Variants in SNX8 observed in about 807,000 individuals in gnomAD.
SNX8 encodes sorting nexin-8.
In SNX8, 25 loss-of-function variants were observed where a neutral mutation model predicts 51.6. The ratio of observed to expected loss-of-function variants is 0.48; its 90% CI spans 0.35 to 0.68. The LOEUF (loss-of-function observed/expected upper bound fraction) is 0.68, where lower values mean the gene tolerates loss of function less well. SNX8 is among the 30% of genes least tolerant of loss of function. SNX8 has a pLI of 0.00. For missense variants in SNX8, 695 were observed against 624.0 expected, an observed-to-expected ratio of 1.11 and a Z score of -1.21; for synonymous variants, 324 against 277.0, an observed-to-expected ratio of 1.17 and a Z score of -1.68.
chr7:2,277,936 C>T (rs1379985779), intron 2 of SNX8, among the ~76,000 whole-genome samples, 164 bp downstream of exon 2: 1 of 152,100 alleles, frequency 6.6e-6, no homozygotes, highest in African/African-American at 2.4e-5. Context: ...GGAAAAGTCA[C>T]CTCCGCAGCC....
intron 1 of SNX8, among the ~76,000 whole-genome samples, chr7:2,341,379 A>G (rs1778920610): frequency 6.6e-6 from 1 of 151,122 alleles, no homozygotes; most frequent in South Asian, 2.1e-4. Context: ...GGTGCCTGTA[A>G]TCCCAGCTAC....
chr7:2,348,950 C>CAAAAAAAAAAA (rs60816121), intron 1 of SNX8, among the ~76,000 whole-genome samples: 1 of 55,744 alleles, frequency 1.8e-5, no homozygotes. Context: ...GACTCTGTCT[C>CAAAAAAAAAAA]AAAAAAAAAA....
In SNX8 at chr7:2,264,303, C is replaced by T. The variant is rs1795409360; in HGVS notation, c.777G>A (p.Glu259=). ...GAAGCTGAAAGGTCACCTACCTTAG[C>T]TCCTTCCCGAATATGAGAAGATCTG... The part of the protein sequence containing the change: ...NAADLLIFGK[E]LSAIGSDTTP... Residue 259 remains glutamate, a synonymous_variant, in exon 6 of 11, where the codon GAG becomes GAA. Transcript: ENST00000222990. 4.3e-6 allele frequency: 7 copies of T among 1,610,946 alleles called. No homozygotes were observed. The East Asian group carries it at 1.3e-4, about 31-fold the overall frequency.
At chr7:2,275,312 C>A (rs959803801) in intron 2 of SNX8, 83 bp from the exon 3 acceptor site, 2 of 898,934 alleles carry the variant, frequency 2.2e-6, no homozygotes, top group Non-Finnish European at 3.8e-6. Flanking sequence ...CCCGGGAAAA[C>A]GACAGCACCA....
intron 1 of SNX8, among the ~76,000 whole-genome samples, chr7:2,320,231 T>C (rs1464934830): frequency 1.3e-5 from 2 of 151,992 alleles, no homozygotes; most frequent in East Asian, 3.9e-4. Flanking sequence ...GTCATATGCC[T>C]GTAATCCCAG....
At chr7:2,310,639 C>G (rs1425392726) in intron 1 of SNX8, among the ~76,000 whole-genome samples, 1 of 151,982 alleles carries the variant, frequency 6.6e-6, no homozygotes, top group Non-Finnish European at 1.5e-5. Flanking sequence ...TGGTGGCAGG[C>G]ACCTGTAGTC....
At chr7:2,271,738 G>T in intron 4 of SNX8, 112 bp downstream of exon 4, 1 of 1,232,730 alleles carries the variant, frequency 8.1e-7, no homozygotes, top group Non-Finnish European at 1.1e-6. Flanking sequence ...CCTGCTGGGC[G>T]TCCAAACAAG....
Position 2,257,370 on chromosome 7 carries a change from C to T in SNX8, c.1129G>A (p.Val377Met), listed in dbSNP as rs775730719. The change falls in exon 9 of 11, where the codon GTG (valine) becomes ATG (methionine). Residue 377 changes from valine to methionine, a missense_variant. Physicochemically the swap from Val to Met is conservative, Grantham distance 21. Coordinates refer to ENST00000222990, the MANE Select transcript of SNX8 (RefSeq NM_013321.4). ...TCGGCCGCCCCGCCACCCACCTCCA[C>T]AATGCGGGACTCCAGCTGCTCCACG... is the stretch of plus-strand genomic sequence containing the variant. ...ESVEQLESRIVEQENAIQTME... is the reference protein window; with the variant it reads ...ESVEQLESRIMEQENAIQTME... The T allele has an allele frequency of 1.8e-5, 29 of 1,606,234 alleles. No individual in the cohort carries two copies. The South Asian group carries it at 2.2e-4, about 12-fold the overall frequency.
chr7:2,298,807 T>C (rs1796329824), intron 1 of SNX8, among the ~76,000 whole-genome samples: 1 of 151,900 alleles, frequency 6.6e-6, no homozygotes, highest in Non-Finnish European at 1.5e-5. Flanking sequence ...TTCTCATACC[T>C]CAGCCTCCCG....
intron 1 of SNX8, among the ~76,000 whole-genome samples, chr7:2,287,041 A>C (rs887606129): frequency 6.6e-6 from 1 of 151,652 alleles, no homozygotes; most frequent in African/African-American, 2.4e-5. Flanking sequence ...CAGGAGGCTG[A>C]GGCAGAGAAT....
intron 4 of SNX8, 57 bp from the exon 5 acceptor site, chr7:2,269,696 G>A: frequency 2.5e-6 from 3 of 1,188,058 alleles, no homozygotes; most frequent in East Asian, 2.4e-5. Flanking sequence ...GAAAGCTGCT[G>A]TGGGGTATGG....
chr7:2,277,841 A>G (rs953518923), intron 2 of SNX8, among the ~76,000 whole-genome samples: 3 of 151,252 alleles, frequency 2.0e-5, no homozygotes, highest in African/African-American at 7.3e-5. Context: ...ACTCCAGAGC[A>G]CAGTGGTGGG....
intron 1 of SNX8, among the ~76,000 whole-genome samples, chr7:2,352,442 C>T (rs572373507): frequency 6.6e-6 from 1 of 152,234 alleles, no homozygotes; most frequent in South Asian, 2.1e-4. Context: ...CCAGACACCA[C>T]ATCCACATAA....
At chr7:2,272,525 G>A (rs1210331684) in intron 3 of SNX8, among the ~76,000 whole-genome samples, 13 of 151,738 alleles carry the variant, frequency 8.6e-5, no homozygotes, top group East Asian at 5.9e-4. Flanking sequence ...ACAGGGGCCC[G>A]CCAACATGCC....
intron 1 of SNX8, among the ~76,000 whole-genome samples, chr7:2,285,245 T>C (rs1796000763): frequency 7.0e-6 from 1 of 143,516 alleles, no homozygotes; most frequent in Non-Finnish European, 1.5e-5. Flanking sequence ...AAAAATTAGT[T>C]AGGCATGGTG....
At chr7:2,343,759 C>T (rs1185695492) in intron 1 of SNX8, among the ~76,000 whole-genome samples, 1 of 152,134 alleles carries the variant, frequency 6.6e-6, no homozygotes. Context: ...TGGCTCACAC[C>T]TGTAATCCTA....
At chr7:2,270,096 C>T (rs1173057545) in intron 4 of SNX8, among the ~76,000 whole-genome samples, 2 of 152,056 alleles carry the variant, frequency 1.3e-5, no homozygotes, top group African/African-American at 4.8e-5. Flanking sequence ...GCGCCAGGGA[C>T]ACCAGAGCCC....
At chr7:2,319,303 C>T (rs1241935572), upstream of SNX8, among the ~76,000 whole-genome samples, 4 of 151,932 alleles carry the variant, frequency 2.6e-5, no homozygotes, top group South Asian at 6.2e-4. Flanking sequence ...GATCACACCA[C>T]TGCACTCCAG....
chr7:2,332,814 AAGAG>A (rs1188977830), intron 1 of SNX8, among the ~76,000 whole-genome samples: 3 of 150,358 alleles, frequency 2.0e-5, no homozygotes, highest in African/African-American at 7.4e-5. Context: ...AAAAGAAAGA[AAGAG>A]AAAGAAAGGA....
Sources: allele counts gnomAD v4.1 joint callset (sites outside exome capture counted in the v4.1 genomes callset), GRCh38; gene constraint gnomAD v4.1.1; transcripts MANE v1.5; gene names NCBI Gene and HGNC (gene_info 2026-07-23, HGNC 2026-07-21).